TTF1: variants seen among roughly 807,000 people sequenced by gnomAD.
TTF1 encodes transcription termination factor, RNA polymerase I.
Under a neutral mutation model 80.2 loss-of-function variants are expected in TTF1, and 64 were observed. The ratio of observed to expected loss-of-function variants is 0.80; its 90% CI spans 0.65 to 0.98. TTF1 has a LOEUF of 0.98. Among genes scored for constraint, TTF1 ranks in the 50% least tolerant of loss-of-function variants. The pLI is 0.00. For missense variants in TTF1, 1,023 were observed against 1,086.2 expected (o/e 0.94, Z 0.82); for synonymous variants, 372 against 382.7 (o/e 0.97, Z 0.33).
chr9:132,378,151 G>C (rs1308996912), intron 10 of TTF1, among the ~76,000 whole-genome samples: 1 of 130,918 alleles, frequency 7.6e-6, no homozygotes, highest in Non-Finnish European at 1.6e-5. Context: ...TGCATGTGGT[G>C]TGTGTGAGTG....
intron 4 of TTF1, among the ~76,000 whole-genome samples, chr9:132,397,791 C>T (rs551917414): frequency 4.2e-4 from 64 of 152,252 alleles, no homozygotes; most frequent in African/African-American, 1.5e-3. Context: ...TCGAGACCAT[C>T]CTGGCTAACA....
chr9:132,390,575 A>G (rs983097255), intron 7 of TTF1, 22 bp downstream of exon 7: 1 of 1,607,790 alleles, frequency 6.2e-7, no homozygotes, highest in African/African-American at 1.3e-5. Context: ...AGAGACAGAG[A>G]AAGAGAGAGG....
chr9:132,395,606 T>A (rs973002139), intron 5 of TTF1, among the ~76,000 whole-genome samples: 1 of 152,212 alleles, frequency 6.6e-6, no homozygotes, highest in African/African-American at 2.4e-5. Flanking sequence ...TTTCCTCACC[T>A]AAGGCTGATT....
chr9:132,402,873 T>G, intron 1 of TTF1, 45 bp from the exon 2 acceptor site: 1 of 1,511,478 alleles, frequency 6.6e-7, no homozygotes. Context: ...GCTTTTTTTT[T>G]GAGACGGAGT....
At chr9:132,393,949 T>TC in intron 5 of TTF1, among the ~76,000 whole-genome samples, 1 of 151,552 alleles carries the variant, frequency 6.6e-6, no homozygotes, top group South Asian at 2.1e-4. Flanking sequence ...TGAGACAGGG[T>TC]CTGGCTCTGT....
chr9:132,383,061 G>A (rs1204948736), intron 9 of TTF1, among the ~76,000 whole-genome samples: 7 of 4,894 alleles, frequency 1.4e-3, no homozygotes, highest in African/African-American at 3.5e-3. Flanking sequence ...GTGAAAATCC[G>A]TCTCAAAAAA....
chr9:132,397,458 G>A (rs1849672528), intron 4 of TTF1, among the ~76,000 whole-genome samples: 1 of 152,146 alleles, frequency 6.6e-6, no homozygotes, highest in South Asian at 2.1e-4. Context: ...TCCAGTCGGA[G>A]GGTTCCAGTT....
At chr9:132,379,169 A>G in intron 9 of TTF1, 25 bp from the exon 10 acceptor site, 1 of 1,550,616 alleles carries the variant, frequency 6.4e-7, no homozygotes, top group Non-Finnish European at 8.8e-7. Flanking sequence ...AGAAAAGATA[A>G]AAAGCAAGTT....
chr9:132,392,732 G>A (rs139993382), intron 5 of TTF1, among the ~76,000 whole-genome samples: 27 of 152,234 alleles, frequency 1.8e-4, no homozygotes, highest in African/African-American at 6.3e-4. Flanking sequence ...GCCTCTTACG[G>A]AGTTTAAGTT....
At chr9:132,396,722 C>T (rs1387898104) in intron 4 of TTF1, among the ~76,000 whole-genome samples, 1 of 150,658 alleles carries the variant, frequency 6.6e-6, no homozygotes, top group African/African-American at 2.4e-5. Flanking sequence ...GGCTGGAGTG[C>T]AGTGGCACTG....
At chr9:132,394,205 A>G (rs971998692) in intron 5 of TTF1, among the ~76,000 whole-genome samples, 2 of 151,408 alleles carry the variant, frequency 1.3e-5, no homozygotes, top group African/African-American at 4.9e-5. Context: ...CCAGCCAAAA[A>G]CAAACAATAA....
rs1421204382 is a variant in TTF1, at chr9:132,384,216, T to C, written c.2378+2340A>G. The stretch of plus-strand genomic sequence containing the variant: ...TGTCTAAAATTTTCCTAATAAAGTT[T>C]CTGAAAAAAATAATTGGGCATTGCT... On this transcript the variant is annotated intron_variant, in intron 9 of 10. Coordinates refer to ENST00000334270, the MANE Select transcript of TTF1 (RefSeq NM_007344.4). The surrounding 1 kb of genome is among the most constrained non-coding windows in gnomAD (Gnocchi z 4.1). Among the ~76,000 whole-genome samples, 1 of 152,002 alleles carries C rather than the reference T, an allele frequency of 6.6e-6. No individual in the cohort carries two copies. The highest frequency in any genetic ancestry group is 1.9e-4 in the East Asian group (1 of 5,186).
intron 1 of TTF1, among the ~76,000 whole-genome samples, chr9:132,405,123 G>C (rs1381933025): frequency 6.6e-6 from 1 of 152,198 alleles, no homozygotes; most frequent in Admixed American, 6.5e-5. Flanking sequence ...TCCTGACCTT[G>C]TGATCCAACC....
chr9:132,401,348 TA>T, intron 2 of TTF1, 106 bp downstream of exon 2: 1 of 1,003,738 alleles, frequency 1.0e-6, no homozygotes, highest in Non-Finnish European at 1.3e-6. Flanking sequence ...AATAAATAAA[TA>T]AAAATAAAAT....
In TTF1 at chr9:132,402,183, A is replaced by C. The variant is rs201572008; in HGVS notation, c.639T>G (p.Ser213=). The change falls in exon 2 of 11, where the codon TCT becomes TCG. Residue 213 remains serine (S), a synonymous_variant. Coordinates refer to ENST00000334270, the MANE Select transcript of TTF1 (RefSeq NM_007344.4). The stretch of plus-strand genomic sequence containing the variant: ...TTTTCTTAGACTTGTTTTTATGAGC[A>C]GATGCTGGTAGTTCTGTAATTTCAC... ...PGGEITELPA[S]AHKNKSKKKK... The C allele has an allele frequency of 1.2e-6, 2 of 1,614,082 alleles. No homozygotes were observed. The highest frequency in any genetic ancestry group is 4.5e-5 in the East Asian group (2 of 44,886).
At chr9:132,402,849 A>C (rs1849793843) in intron 1 of TTF1, 21 bp from the exon 2 acceptor site, 2 of 1,550,514 alleles carry the variant, frequency 1.3e-6, no homozygotes, top group East Asian at 4.5e-5. Context: ...ATGTGACAAC[A>C]ATGGTTTATT....
At chr9:132,393,448 G>A (rs550501166) in intron 5 of TTF1, among the ~76,000 whole-genome samples, 81 of 152,262 alleles carry the variant, frequency 5.3e-4, no homozygotes, top group Non-Finnish European at 9.4e-4. Context: ...TAACATGAGC[G>A]ATCTGTGCCA....
Position 132,396,511 on chromosome 9 carries a change from C to T in TTF1, c.1778G>A (p.Gly593Asp). ...KRRYSFRLHI[G>D]RNIARPWKLI... Reference sequence around the variant, plus strand: ...TTTCCAGGGCCGGGCAATGTTCCTACCTAAAGTCAGAAGAAAGGTGATCAG... The same window carrying T: ...TTTCCAGGGCCGGGCAATGTTCCTATCTAAAGTCAGAAGAAAGGTGATCAG... Residue 593 changes from glycine to aspartate, a missense_variant and splice_region_variant, in exon 5 of 11, where the codon GGT becomes GAT. Gly to Asp is a moderately conservative substitution (Grantham distance 94, BLOSUM62 -1). Coordinates refer to ENST00000334270, the MANE Select transcript of TTF1 (RefSeq NM_007344.4). 2 of 1,614,042 alleles carry T rather than the reference C, an allele frequency of 1.2e-6. No homozygotes were observed. Among genetic ancestry groups the T allele is most frequent in the Non-Finnish European group, 1.7e-6 (2 of 1,179,984 alleles).
intron 5 of TTF1, among the ~76,000 whole-genome samples, chr9:132,393,385 CG>C (rs1849594959): frequency 6.6e-6 from 1 of 152,190 alleles, no homozygotes; most frequent in Non-Finnish European, 1.5e-5. Context: ...CAAGGAACAC[CG>C]GGCCCACCCA....
Sources: allele counts gnomAD v4.1 joint callset (sites outside exome capture counted in the v4.1 genomes callset), GRCh38; gene constraint gnomAD v4.1.1; non-coding constraint Gnocchi (gnomAD v3.1); transcripts MANE v1.5; gene names NCBI Gene and HGNC (gene_info 2026-07-23, HGNC 2026-07-21).